The following CD8A variants were observed in gnomAD, a reference collection of about 807,000 sequenced individuals.
The protein encoded by CD8A is CD8 subunit alpha, also known as T-cell surface glycoprotein CD8 alpha chain.
A neutral mutation model predicts 24.2 loss-of-function variants in CD8A; 25 were observed. That is an observed-to-expected ratio of 1.03 (90% CI 0.75 to 1.44). CD8A has a LOEUF of 1.44. Among genes scored for constraint, CD8A ranks in the 40% most tolerant of loss-of-function variants. The probability of loss-of-function intolerance (pLI) is 0.00; values close to 1 mark genes in which losing one functional copy is unlikely to be tolerated. For missense variants in CD8A, 360 were observed against 319.7 expected (o/e 1.13, Z -0.96); for synonymous variants, 165 against 149.9 (o/e 1.10, Z -0.74).
At chr2:86,802,642 G>C (rs1673713039) in intron 2 of CD8A, among the ~76,000 whole-genome samples, 1 of 152,076 alleles carries the variant, frequency 6.6e-6, no homozygotes, top group Non-Finnish European at 1.5e-5. Context: ...GTCTCACTCT[G>C]CCGCCCAGGC....
At chr2:86,798,264 C>T (rs1673546892) in intron 3 of CD8A, among the ~76,000 whole-genome samples, 1 of 152,082 alleles carries the variant, frequency 6.6e-6, no homozygotes, top group Non-Finnish European at 1.5e-5. Context: ...CAACCTCCAC[C>T]TCCCAGGTTC....
chr2:86,785,150 G>A lies in CD8A; in HGVS notation c.*770C>T. The A allele has an allele frequency of 2.2e-6, 1 of 454,064 alleles. No homozygotes were observed. 28.1% of individuals were successfully genotyped at this position (454,064 alleles called of 1,614,324 possible). Reference sequence around the variant, plus strand: ...GGCCCCTCTGCAATGCAAGGGCTGGGAGAGCAATTCCGCCTCCACATAGGG... The same window carrying A: ...GGCCCCTCTGCAATGCAAGGGCTGGAAGAGCAATTCCGCCTCCACATAGGG... On this transcript the variant is annotated 3_prime_UTR_variant, in exon 6 of 6. Coordinates refer to ENST00000283635, the MANE Select transcript of CD8A (RefSeq NM_001768.7).
chr2:86,804,067 G>A (rs1248910616), intron 2 of CD8A, among the ~76,000 whole-genome samples: 1 of 152,164 alleles, frequency 6.6e-6, no homozygotes, highest in Non-Finnish European at 1.5e-5. Context: ...TTTGCTACAG[G>A]AGGAAATAAA....
At chr2:86,800,012 G>A (rs1042150130) in intron 3 of CD8A, among the ~76,000 whole-genome samples, 13 of 151,678 alleles carry the variant, frequency 8.6e-5, no homozygotes, top group African/African-American at 2.7e-4. Flanking sequence ...CTTTGCCAAT[G>A]AGGTTAATGG....
chr2:86,808,036 G>C (rs1434401040), intron 1 of CD8A: 1 of 152,360 alleles, frequency 6.6e-6, no homozygotes, highest in Non-Finnish European at 1.5e-5. Context: ...CTCATTCTGC[G>C]CAAATCTCGG....
upstream of CD8A, among the ~76,000 whole-genome samples, chr2:86,792,796 C>T (rs966596706): frequency 5.3e-5 from 8 of 149,758 alleles, no homozygotes; most frequent in Non-Finnish European, 1.0e-4. Flanking sequence ...ATATCAGGGC[C>T]TGGATGGGCT....
At chr2:86,791,560 C>T (rs573713611), upstream of CD8A, 1,855 of 454,210 alleles carry the variant, frequency 4.1e-3, 43 homozygotes, top group South Asian at 0.028. Context: ...TCAATTCACA[C>T]CAGTCTCTCT....
At chr2:86,801,955 T>C (rs1166684397) in intron 2 of CD8A, among the ~76,000 whole-genome samples, 1 of 152,234 alleles carries the variant, frequency 6.6e-6, no homozygotes, top group African/African-American at 2.4e-5. Flanking sequence ...GAGATAATTG[T>C]AGATTGACAT....
intron 3 of CD8A, among the ~76,000 whole-genome samples, chr2:86,801,289 C>T (rs78895134): frequency 0.08 from 12,041 of 150,748 alleles, 1,450 homozygotes; most frequent in African/African-American, 0.27. Flanking sequence ...CTGCCTCCCT[C>T]CCTTCCTTCC....
At position 86,785,632 on chromosome 2, in the gene CD8A, A is replaced by C. The variant is rs1672966224; in HGVS notation, c.*288T>G. ...CATGGGTGCCTCCAGCTCTCTCAGCATGATTCTGAGAACTCTGCGGGTAGC... is the reference window on the plus strand; with the variant it reads ...CATGGGTGCCTCCAGCTCTCTCAGCCTGATTCTGAGAACTCTGCGGGTAGC... On this transcript the variant is annotated 3_prime_UTR_variant, in exon 6 of 6. Coordinates refer to ENST00000283635, the MANE Select transcript of CD8A (RefSeq NM_001768.7). 7 of 629,308 alleles carry C rather than the reference A, an allele frequency of 1.1e-5. No individual in the cohort carries two copies. The East Asian group carries it at 2.3e-4, about 20-fold the overall frequency. 39.0% of individuals were successfully genotyped at this position (629,308 alleles called of 1,614,324 possible). A position where few individuals can be genotyped will look rare whatever the true frequency, so the allele number is the denominator to read the frequency against.
intron 3 of CD8A, among the ~76,000 whole-genome samples, chr2:86,800,772 A>G (rs1673646060): frequency 6.6e-6 from 1 of 152,222 alleles, no homozygotes; most frequent in Non-Finnish European, 1.5e-5. Flanking sequence ...TTTGGCAACT[A>G]TCACAGGTTG....
chr2:86,786,065 G>T, intron 5 of CD8A, 94 bp from the exon 6 acceptor site: 1 of 998,824 alleles, frequency 1.0e-6, no homozygotes, highest in Admixed American at 1.7e-5. Flanking sequence ...CCCAGCCTTT[G>T]AAAGGTCTGA....
At chr2:86,795,928 AC>A (rs2104450763) in intron 3 of CD8A, among the ~76,000 whole-genome samples, 1 of 152,318 alleles carries the variant, frequency 6.6e-6, no homozygotes, top group East Asian at 1.9e-4. Context: ...AAAAGACTCA[AC>A]AAGTGGAATG....
chr2:86,799,765 A>G (rs1673604911), intron 3 of CD8A, among the ~76,000 whole-genome samples: 1 of 151,174 alleles, frequency 6.6e-6, no homozygotes, highest in Non-Finnish European at 1.5e-5. Flanking sequence ...CAAAAAAAAA[A>G]GAAAGAAAAG....
chr2:86,799,643 C>A (rs550857679), intron 3 of CD8A, among the ~76,000 whole-genome samples: 1 of 152,110 alleles, frequency 6.6e-6, no homozygotes, highest in South Asian at 2.1e-4. Flanking sequence ...GTAGTCCCAG[C>A]GACTCGGGAG....
In CD8A at chr2:86,790,380, G is replaced by A; in HGVS notation, c.351C>T (p.Ala117=). 1 of 1,614,110 alleles carries A rather than the reference G, an allele frequency of 6.2e-7. No individual in the cohort carries two copies. Among genetic ancestry groups the A allele is most frequent in the South Asian group, 1.1e-5 (1 of 91,076 alleles). ...RENEGYYFCS[A]LSNSIMYFSH... The stretch of plus-strand genomic sequence containing the variant: ...TGAAGTACATGATGGAGTTGCTCAG[G>A]GCCGAGCAGAAATAGTAGCCCTCGT... The change falls in exon 2 of 6, where the codon GCC becomes GCT. Residue 117 remains alanine, a synonymous_variant. Coordinates refer to ENST00000283635, the MANE Select transcript of CD8A (RefSeq NM_001768.7).
chr2:86,803,586 C>T (rs1025846378), intron 2 of CD8A, among the ~76,000 whole-genome samples: 7 of 152,354 alleles, frequency 4.6e-5, no homozygotes, highest in Non-Finnish European at 8.8e-5. Context: ...GAGTCTCACT[C>T]TGTTGCCCAC....
At chr2:86,802,955 C>T (rs1003252104) in intron 2 of CD8A, among the ~76,000 whole-genome samples, 1 of 151,978 alleles carries the variant, frequency 6.6e-6, no homozygotes, top group Non-Finnish European at 1.5e-5. Context: ...TGAAAAATTT[C>T]CAAAAGTTAA....
At chr2:86,791,236 C>T (rs1227171242), upstream of CD8A, 2 of 391,278 alleles carry the variant, frequency 5.1e-6, no homozygotes, top group Non-Finnish European at 9.8e-6. Context: ...GGGGAGTGTC[C>T]CTTCCTTTGC....
Sources: gnomAD v4.1 joint callset for allele counts (sites outside exome capture counted in the v4.1 genomes callset) on GRCh38, gnomAD v4.1.1 for gene constraint, MANE v1.5 for transcripts, NCBI Gene and HGNC (gene_info 2026-07-23, HGNC 2026-07-21) for gene names.